The following CAMK2D variants were observed in gnomAD, a reference collection of about 807,000 sequenced individuals.
CAMK2D encodes calcium/calmodulin-dependent protein kinase type II subunit delta.
CAMK2D carries 37 observed loss-of-function variants against 84.0 expected under a neutral mutation model. The observed-to-expected ratio is 0.44, with a 90% confidence interval of 0.34 to 0.58. The LOEUF is 0.58. Among genes scored for constraint, CAMK2D ranks in the 20% least tolerant of loss-of-function variants. The probability of loss-of-function intolerance (pLI) is 0.02; values close to 1 mark genes in which losing one functional copy is unlikely to be tolerated. For synonymous variants in CAMK2D, 202 were observed against 212.5 expected (o/e 0.95, Z 0.43); for missense variants, 448 against 652.5 (o/e 0.69, Z 3.41).
intron 3 of CAMK2D, among the ~76,000 whole-genome samples, chr4:113,654,099 G>A (rs78669612): frequency 0.05 from 7,562 of 151,992 alleles, 520 homozygotes; most frequent in African/African-American, 0.15. Context: ...CGTGCTAAAC[G>A]AAGTAATACA....
intron 12 of CAMK2D, chr4:113,513,079 G>T: frequency 3.3e-6 from 2 of 604,022 alleles, no homozygotes; most frequent in Non-Finnish European, 4.2e-6. Context: ...CACCAGCACT[G>T]ACTGGTGGCC....
At chr4:113,499,993 G>C (rs1389810154) in intron 16 of CAMK2D, among the ~76,000 whole-genome samples, 1 of 150,850 alleles carries the variant, frequency 6.6e-6, no homozygotes, top group Non-Finnish European at 1.5e-5. Context: ...CAAAAAGCTA[G>C]GATAAAAAGG....
At chr4:113,548,325 G>A (rs1255365298) in intron 5 of CAMK2D, among the ~76,000 whole-genome samples, 1 of 152,140 alleles carries the variant, frequency 6.6e-6, no homozygotes, top group Non-Finnish European at 1.5e-5. Context: ...AAATCTACAG[G>A]CGGACATACA....
chr4:113,497,982 G>C (rs1465687104), intron 16 of CAMK2D, among the ~76,000 whole-genome samples: 1 of 152,212 alleles, frequency 6.6e-6, no homozygotes, highest in Non-Finnish European at 1.5e-5. Flanking sequence ...GTGTGTGGAA[G>C]ACACAGTTTT....
At chr4:113,718,920 GAGAA>G (rs962723942) in intron 2 of CAMK2D, among the ~76,000 whole-genome samples, 7 of 152,084 alleles carry the variant, frequency 4.6e-5, no homozygotes, top group South Asian at 2.1e-4. Context: ...AAATTTTTTT[GAGAA>G]AGAAACCTAA....
chr4:113,539,987 A>G (rs2098519537), intron 6 of CAMK2D, among the ~76,000 whole-genome samples: 2 of 152,186 alleles, frequency 1.3e-5, no homozygotes, highest in South Asian at 2.1e-4. Flanking sequence ...TTTAAAGGGC[A>G]GCTCCAATGA....
At chr4:113,603,898 C>G (rs1369621683) in intron 4 of CAMK2D, among the ~76,000 whole-genome samples, 1 of 148,106 alleles carries the variant, frequency 6.8e-6, no homozygotes, top group Non-Finnish European at 1.5e-5. Flanking sequence ...AGTTTGAGAC[C>G]AGCCTGGGCA....
At chr4:113,673,220 G>A (rs2099300552) in intron 2 of CAMK2D, among the ~76,000 whole-genome samples, 1 of 152,182 alleles carries the variant, frequency 6.6e-6, no homozygotes, top group Admixed American at 6.5e-5. Flanking sequence ...TGAAAAAAAT[G>A]CATCTCCTGG....
intron 3 of CAMK2D, among the ~76,000 whole-genome samples, chr4:113,653,660 T>C (rs1206581994): frequency 1.3e-5 from 2 of 152,108 alleles, no homozygotes; most frequent in Non-Finnish European, 2.9e-5. Flanking sequence ...TAACATTTAC[T>C]CTGCATTAAC....
intron 2 of CAMK2D, among the ~76,000 whole-genome samples, chr4:113,732,688 C>T (rs952837614): frequency 2.0e-5 from 3 of 152,102 alleles, no homozygotes; most frequent in Admixed American, 6.5e-5. Flanking sequence ...TTTATAACTA[C>T]AGCAGGTTTA....
chr4:113,529,691 T>C (rs1267632385), intron 8 of CAMK2D, among the ~76,000 whole-genome samples: 1 of 152,206 alleles, frequency 6.6e-6, no homozygotes. Context: ...TGGGCCTGCA[T>C]AGGATACTGT....
intron 2 of CAMK2D, among the ~76,000 whole-genome samples, chr4:113,668,104 A>C (rs577410032): frequency 1.3e-5 from 2 of 152,276 alleles, no homozygotes; most frequent in South Asian, 4.2e-4. Flanking sequence ...CCTTGTGGAG[A>C]AGCTCAACCC....
At chr4:113,619,033 T>C (rs1561397749) in intron 3 of CAMK2D, among the ~76,000 whole-genome samples, 1 of 152,174 alleles carries the variant, frequency 6.6e-6, no homozygotes, top group Non-Finnish European at 1.5e-5. Context: ...GTTTCACTTA[T>C]CTCATAGACA....
At chr4:113,714,207 G>A (rs1041575649) in intron 2 of CAMK2D, among the ~76,000 whole-genome samples, 1 of 151,914 alleles carries the variant, frequency 6.6e-6, no homozygotes. Flanking sequence ...GAAACATCAA[G>A]TTCCCACATA....
chr4:113,695,860 G>A (rs1421692688), intron 2 of CAMK2D, among the ~76,000 whole-genome samples: 1 of 152,028 alleles, frequency 6.6e-6, no homozygotes, highest in East Asian at 1.9e-4. Flanking sequence ...ATCGCTCACA[G>A]TGTAAATGAT....
At chr4:113,509,008 T>C (rs1257998300) in intron 13 of CAMK2D, among the ~76,000 whole-genome samples, 2 of 152,126 alleles carry the variant, frequency 1.3e-5, no homozygotes, top group Admixed American at 1.3e-4. Context: ...TGAAACAAAA[T>C]ACAATCAGTA....
intron 16 of CAMK2D, among the ~76,000 whole-genome samples, chr4:113,471,625 C>T (rs1364626290): frequency 6.6e-6 from 1 of 152,052 alleles, no homozygotes. Context: ...TACATTCTTC[C>T]AACTCTTTCT....
At chr4:113,640,148 G>A (rs1299303981) in intron 3 of CAMK2D, among the ~76,000 whole-genome samples, 4 of 151,798 alleles carry the variant, frequency 2.6e-5, no homozygotes, top group African/African-American at 7.3e-5. Flanking sequence ...AGCTGAGTGG[G>A]GCAAGGGTGG....
intron 16 of CAMK2D, among the ~76,000 whole-genome samples, chr4:113,494,350 C>T (rs574813731): frequency 6.6e-6 from 1 of 152,236 alleles, no homozygotes; most frequent in Admixed American, 6.5e-5. Flanking sequence ...GTTAGTTTTC[C>T]TTCTAACAGA....
Sources: allele counts gnomAD v4.1 joint callset (sites outside exome capture counted in the v4.1 genomes callset), GRCh38; gene constraint gnomAD v4.1.1; transcripts MANE v1.5; gene names NCBI Gene and HGNC (gene_info 2026-07-23, HGNC 2026-07-21).